CMYA5: variants seen among roughly 807,000 people sequenced by gnomAD.
CMYA5 encodes cardiomyopathy associated 5.
A neutral mutation model predicts 318.9 loss-of-function variants in CMYA5; 246 were observed. The ratio of observed to expected loss-of-function variants is 0.77; its 90% confidence interval spans 0.70 to 0.86. CMYA5 has a LOEUF of 0.86. CMYA5 is among the 40% of genes least tolerant of loss of function. The pLI, the probability that CMYA5 is intolerant of heterozygous loss-of-function variation, is 0.00. For synonymous variants in CMYA5, 1,641 were observed against 1,729.5 expected, an observed-to-expected ratio of 0.95 and a Z score of 1.27; for missense variants, 4,589 against 4,678.2, an observed-to-expected ratio of 0.98 and a Z score of 0.56.
intron 6 of CMYA5, among the ~76,000 whole-genome samples, chr5:79,754,650 T>A (rs903736560): frequency 4.5e-5 from 5 of 111,710 alleles, no homozygotes; most frequent in African/African-American, 1.8e-4. Flanking sequence ...CACCTGGGGA[T>A]TTTTTTTTTA....
At chr5:79,706,904 T>G (rs1362543538) in intron 1 of CMYA5, among the ~76,000 whole-genome samples, 1 of 152,200 alleles carries the variant, frequency 6.6e-6, no homozygotes, top group Non-Finnish European at 1.5e-5. Context: ...TAGGTTCATG[T>G]TGCCATTTCT....
intron 1 of CMYA5, among the ~76,000 whole-genome samples, chr5:79,719,207 C>T (rs909531297): frequency 6.6e-6 from 1 of 152,084 alleles, no homozygotes; most frequent in African/African-American, 2.4e-5. Context: ...CTACCCATTT[C>T]CCTCTTTAAA....
chr5:79,692,213 C>T (rs961164647), intron 1 of CMYA5, among the ~76,000 whole-genome samples: 21 of 152,264 alleles, frequency 1.4e-4, no homozygotes, highest in Admixed American at 7.2e-4. Flanking sequence ...TCCACCATCA[C>T]GGCCTGAGTG....
intron 1 of CMYA5, among the ~76,000 whole-genome samples, chr5:79,714,956 A>G (rs1463272626): frequency 1.3e-5 from 2 of 152,220 alleles, no homozygotes; most frequent in East Asian, 1.9e-4. Context: ...TCATTTAAAA[A>G]ATTTGTGAAA....
chr5:79,748,310 A>G (rs1828365683), intron 5 of CMYA5, among the ~76,000 whole-genome samples: 2 of 152,090 alleles, frequency 1.3e-5, no homozygotes, highest in Admixed American at 6.6e-5. Context: ...GTAATTCCCC[A>G]CACTGGCTGT....
At position 79,731,842 on chromosome 5, in the gene CMYA5, T is replaced by C. The variant is rs1291345920; in HGVS notation, c.3077T>C (p.Leu1026Pro). 8 of 1,613,254 alleles carry C rather than the reference T, an allele frequency of 5.0e-6. No homozygotes were observed. In the African/African-American group the frequency reaches 9.3e-5, roughly 19 times the overall value. The change falls in exon 2 of 13, where the codon CTA becomes CCA. Residue 1026 changes from leucine (L) to proline (P), a missense_variant. Leu to Pro is a moderately conservative substitution (Grantham distance 98). This residue lies in a region of CMYA5 where 2,132 missense variants were observed against 2,131.3 expected (regional missense o/e 1.00). Coordinates refer to ENST00000446378, the MANE Select transcript of CMYA5 (RefSeq NM_153610.5). The part of the protein sequence containing the change: ...TEKNELEPDS[L>P]LTAVSASGYS... ...AAAAATGAACTTGAGCCTGATTCACTATTAACTGCAGTGTCTGCTTCAGGT... is the reference window on the plus strand; with the variant it reads ...AAAAATGAACTTGAGCCTGATTCACCATTAACTGCAGTGTCTGCTTCAGGT...
At chr5:79,796,522 C>T (rs1158890197) in intron 12 of CMYA5, among the ~76,000 whole-genome samples, 1 of 152,140 alleles carries the variant, frequency 6.6e-6, no homozygotes, top group African/African-American at 2.4e-5. Flanking sequence ...ACATCAACCC[C>T]TCTAAGTAGC....
chr5:79,791,795 G>A (rs984223502), intron 11 of CMYA5, among the ~76,000 whole-genome samples: 2 of 151,786 alleles, frequency 1.3e-5, no homozygotes, highest in Non-Finnish European at 1.5e-5. Context: ...TCTTGCTTCC[G>A]TAGTAGCTCC....
chr5:79,754,569 A>C (rs1828492696), intron 6 of CMYA5, among the ~76,000 whole-genome samples: 1 of 152,158 alleles, frequency 6.6e-6, no homozygotes, highest in African/African-American at 2.4e-5. Flanking sequence ...GAAAAGGCAG[A>C]GTGCTGCTGA....
At chr5:79,698,991 C>A (rs1353151885) in intron 1 of CMYA5, among the ~76,000 whole-genome samples, 2 of 152,088 alleles carry the variant, frequency 1.3e-5, no homozygotes, top group Admixed American at 6.6e-5. Flanking sequence ...AACCCCATGT[C>A]TACTAAACAT....
At chr5:79,762,231 C>A in intron 8 of CMYA5, 1 of 305,220 alleles carries the variant, frequency 3.3e-6, no homozygotes, top group East Asian at 5.5e-5. Context: ...AGAGGGGCAC[C>A]CAAGTTGGCC....
At chr5:79,719,331 A>G (rs1454905177) in intron 1 of CMYA5, among the ~76,000 whole-genome samples, 1 of 152,182 alleles carries the variant, frequency 6.6e-6, no homozygotes, top group African/African-American at 2.4e-5. Flanking sequence ...TTAATTTTCA[A>G]TAAGTTACTG....
rs770780699 is a variant in CMYA5 at position 79,732,828 on chromosome 5, A to G, written c.4063A>G (p.Thr1355Ala). The G allele has an allele frequency of 9.3e-6, 15 of 1,613,774 alleles. No individual in the cohort carries two copies. In the South Asian group the frequency reaches 1.4e-4, roughly 15 times the overall value. The change falls in exon 2 of 13, where the codon ACA (threonine) becomes GCA (alanine). Residue 1355 changes from threonine to alanine, a missense_variant. Thr to Ala is a moderately conservative substitution (Grantham distance 58). Transcript: ENST00000446378. ...AATTGAACCCAGTTCCTCAACAACT[A>G]CAGCATCTGTAACTAAGCTTGATTC... is the stretch of plus-strand genomic sequence containing the variant. ...KEIEPSSSTT[T>A]ASVTKLDSNL...
At chr5:79,755,151 G>C (rs138424634) in intron 6 of CMYA5, among the ~76,000 whole-genome samples, 115 of 152,228 alleles carry the variant, frequency 7.6e-4, no homozygotes, top group African/African-American at 2.6e-3. Context: ...AGTCCAGTTT[G>C]GTTAATGCTT....
At chr5:79,698,455 G>A (rs893033221) in intron 1 of CMYA5, among the ~76,000 whole-genome samples, 15 of 152,164 alleles carry the variant, frequency 9.9e-5, no homozygotes, top group African/African-American at 3.6e-4. Flanking sequence ...CTCCCTGACT[G>A]GCCCCTGTCT....
At chr5:79,789,474 G>C in intron 10 of CMYA5, among the ~76,000 whole-genome samples, 1 of 151,750 alleles carries the variant, frequency 6.6e-6, no homozygotes, top group East Asian at 1.9e-4. Flanking sequence ...GCCTAGGCTA[G>C]AGTGAAGTGG....
In CMYA5 at chr5:79,737,317, T is replaced by C; in HGVS notation, c.8552T>C (p.Ile2851Thr). The stretch of plus-strand genomic sequence containing the variant: ...CCAGAAAGGCATACAGTTCATACTA[T>C]TCAGACATCTAAAGATGACACATCC... ...LTPERHTVHT[I>T]QTSKDDTSDV... The change falls in exon 2 of 13, where the codon ATT becomes ACT. Residue 2851 changes from isoleucine to threonine, a missense_variant. This residue lies in a region of CMYA5 where 2,431 missense variants were observed against 2,495.1 expected (regional missense o/e 0.97). Transcript: ENST00000446378. The C allele has an allele frequency of 1.2e-6, 2 of 1,613,842 alleles. No individual in the cohort carries two copies. Among genetic ancestry groups the C allele is most frequent in the Non-Finnish European group, 1.7e-6 (2 of 1,179,792 alleles).
rs115901764 is a variant in CMYA5, at chr5:79,778,734, A to G, written c.11556-10237A>G. On this transcript the variant is annotated intron_variant, in intron 9 of 12. Transcript: ENST00000446378. ...TATAATAATTGAGTTGGATTTATCA[A>G]TCTCTTTTGAAAATAGCTTTTAACT... 9.9e-3 allele frequency among the ~76,000 whole-genome samples: 1,494 copies of G among 150,664 alleles called. 21 individuals are homozygous for G. Among genetic ancestry groups the G allele is most frequent in the African/African-American group, 0.034 (1,398 of 40,912 alleles).
rs1828037953 is a variant in CMYA5 at position 79,735,506 on chromosome 5, T to G, written c.6741T>G (p.Asp2247Glu). The change falls in exon 2 of 13, where the codon GAT becomes GAG. Residue 2247 changes from aspartate to glutamate, a missense_variant. By Grantham distance (45) the Asp-to-Glu change is conservative (BLOSUM62 2). Around this residue, in one of 3 missense-constraint regions of CMYA5, gnomAD observed 2,431 missense variants for 2,495.1 expected, o/e 0.97. Transcript: ENST00000446378. ...SLSEVKLKTA[D>E]EPRGTLVKSG... ...CAGAGGTAAAACTTAAAACTGCTGATGAACCCAGAGGTACTTTAGTAAAAT... is the reference window on the plus strand; with the variant it reads ...CAGAGGTAAAACTTAAAACTGCTGAGGAACCCAGAGGTACTTTAGTAAAAT... 2 of 1,613,600 alleles carry G rather than the reference T, an allele frequency of 1.2e-6. No homozygotes were observed. Among genetic ancestry groups the G allele is most frequent in the Non-Finnish European group, 8.5e-7 (1 of 1,179,770 alleles).
Sources: gnomAD v4.1 joint callset for allele counts (sites outside exome capture counted in the v4.1 genomes callset) on GRCh38, gnomAD v4.1.1 for gene constraint, gnomAD v4.1.1 regional missense constraint, MANE v1.5 for transcripts, NCBI Gene and HGNC (gene_info 2026-07-23, HGNC 2026-07-21) for gene names.